ASTN2: variants seen among roughly 807,000 people sequenced by gnomAD.
ASTN2 encodes the protein astrotactin 2.
A neutral mutation model predicts 139.8 loss-of-function variants in ASTN2; 54 were observed. The observed-to-expected ratio is 0.39, with a 90% CI of 0.31 to 0.48. The LOEUF (loss-of-function observed/expected upper bound fraction) is 0.48, where lower values mean the gene tolerates loss of function less well. Among genes scored for constraint, ASTN2 ranks in the 20% least tolerant of loss-of-function variants. ASTN2 has a pLI of 0.95. For missense variants in ASTN2, 1,565 were observed against 1,725.1 expected (o/e 0.91, Z 1.64); for synonymous variants, 756 against 719.5 (o/e 1.05, Z -0.81).
intron 13 of ASTN2, among the ~76,000 whole-genome samples, chr9:116,774,684 T>C (rs779506413): frequency 6.6e-6 from 1 of 151,632 alleles, no homozygotes; most frequent in Non-Finnish European, 1.5e-5. Context: ...ACTGTCTTCC[T>C]AGGAACAGGA....
Position 117,144,660 on chromosome 9 carries a change from G to GTTTTTTTTTTTT in ASTN2, c.1016-3194_1016-3183dup, listed in dbSNP as rs71379267. Among the ~76,000 whole-genome samples the GTTTTTTTTTTTT allele has an allele frequency of 3.3e-4, 26 of 78,352 alleles. 1 individual carries two copies. The highest frequency in any genetic ancestry group is 1.4e-3 in the African/African-American group (23 of 16,570). 51.4% of individuals were successfully genotyped at this position (78,352 alleles called of 152,430 possible). The stretch of plus-strand genomic sequence containing the variant: ...TGACATTTGAGAGGAGTGAACACTA[G>GTTTTTTTTTTTT]TTTTTTTTTTTTTTTTTTTTTTTTT... On this transcript the variant is annotated intron_variant, in intron 3 of 22. Transcript: ENST00000313400.
intron 11 of ASTN2, among the ~76,000 whole-genome samples, chr9:116,842,018 A>G (rs1251697209): frequency 6.6e-6 from 1 of 152,192 alleles, no homozygotes; most frequent in African/African-American, 2.4e-5. Flanking sequence ...CCCCCTGACT[A>G]TGGGGCCAAA....
chr9:116,594,326 A>T (rs955425036), intron 19 of ASTN2, among the ~76,000 whole-genome samples: 2 of 152,208 alleles, frequency 1.3e-5, no homozygotes, highest in Non-Finnish European at 2.9e-5. Context: ...ATCAAAACAA[A>T]AACAGAATGA....
chr9:116,857,413 T>A (rs1007058799), intron 11 of ASTN2, among the ~76,000 whole-genome samples: 1 of 152,214 alleles, frequency 6.6e-6, no homozygotes, highest in African/African-American at 2.4e-5. Flanking sequence ...TATGCTGCAA[T>A]CCTGCTGAAG....
chr9:116,443,305 C>T (rs988518999), intron 20 of ASTN2, among the ~76,000 whole-genome samples: 14 of 152,104 alleles, frequency 9.2e-5, no homozygotes, highest in Non-Finnish European at 1.9e-4. Flanking sequence ...GGAGCCCAGA[C>T]GGTTGAAGAA....
intron 10 of ASTN2, among the ~76,000 whole-genome samples, chr9:116,946,945 A>AAAAC (rs1374960898): frequency 2.0e-5 from 3 of 151,588 alleles, no homozygotes; most frequent in African/African-American, 2.4e-5. Context: ...TCAAAAAAAA[A>AAAAC]AAAAAACAAC....
intron 13 of ASTN2, among the ~76,000 whole-genome samples, chr9:116,771,585 A>AATGG (rs1364681890): frequency 2.0e-5 from 3 of 152,238 alleles, no homozygotes; most frequent in African/African-American, 7.2e-5. Flanking sequence ...TGAATGAATG[A>AATGG]ATGAATGAAT....
At chr9:117,058,601 G>GT (rs1839138157) in intron 5 of ASTN2, among the ~76,000 whole-genome samples, 1 of 152,190 alleles carries the variant, frequency 6.6e-6, no homozygotes, top group Non-Finnish European at 1.5e-5. Flanking sequence ...CTCTGAAACT[G>GT]TATCTATACT....
chr9:116,735,427 G>C (rs1192530485), intron 13 of ASTN2, among the ~76,000 whole-genome samples: 1 of 152,198 alleles, frequency 6.6e-6, no homozygotes, highest in African/African-American at 2.4e-5. Context: ...CCCTTGTGAG[G>C]TGGCCTCTGG....
intron 13 of ASTN2, among the ~76,000 whole-genome samples, chr9:116,733,860 T>G (rs1022067584): frequency 3.3e-5 from 5 of 152,172 alleles, no homozygotes; most frequent in African/African-American, 1.2e-4. Context: ...AACCTACCAA[T>G]TATTTAAGAT....
At chr9:117,083,526 G>T (rs61261355) in intron 5 of ASTN2, among the ~76,000 whole-genome samples, 3 of 152,078 alleles carry the variant, frequency 2.0e-5, no homozygotes, top group African/African-American at 4.8e-5. Flanking sequence ...CATGACCAGT[G>T]GCATGGTCTG....
At chr9:117,018,761 A>G (rs1325926611) in intron 6 of ASTN2, among the ~76,000 whole-genome samples, 2 of 152,152 alleles carry the variant, frequency 1.3e-5, no homozygotes, top group African/African-American at 4.8e-5. Context: ...TGCAAGGTAA[A>G]TGTAAGTCTG....
intron 16 of ASTN2, among the ~76,000 whole-genome samples, chr9:116,704,230 TAA>T (rs1255540206): frequency 6.6e-6 from 1 of 152,238 alleles, no homozygotes; most frequent in Non-Finnish European, 1.5e-5. Context: ...CTTCTAGCTC[TAA>T]GATTTTAATT....
chr9:116,519,554 G>A (rs1850784226), intron 19 of ASTN2, among the ~76,000 whole-genome samples: 1 of 152,030 alleles, frequency 6.6e-6, no homozygotes, highest in South Asian at 2.1e-4. Context: ...TACATCAAAA[G>A]TCTGAAAGAG....
At chr9:117,187,017 T>C (rs979797576) in intron 3 of ASTN2, among the ~76,000 whole-genome samples, 4 of 152,030 alleles carry the variant, frequency 2.6e-5, no homozygotes, top group Non-Finnish European at 5.9e-5. Context: ...TAATCCCAGC[T>C]ACTCAGGAGG....
chr9:117,097,109 G>A lies in ASTN2; in HGVS notation c.1169-958C>T, dbSNP rs114864454. On this transcript the variant is annotated intron_variant, in intron 4 of 22. Coordinates refer to ENST00000313400, the MANE Select transcript of ASTN2 (RefSeq NM_001365068.1). ...GGATGGGTGCCAGGCAGGGTAAGCA[G>A]CCAGGAGGCTCAGTGACCACCTAGG... Among the ~76,000 whole-genome samples the A allele has an allele frequency of 5.5e-3, 839 of 152,320 alleles. 5 individuals carry two copies. Among genetic ancestry groups the A allele is most frequent in the African/African-American group, 0.019 (810 of 41,582 alleles).
rs542951118 is a variant in ASTN2 at position 116,429,022 on chromosome 9, G to A, written c.3783-2934C>T. On this transcript the variant is annotated intron_variant, in intron 22 of 22. Coordinates refer to ENST00000313400, the MANE Select transcript of ASTN2 (RefSeq NM_001365068.1). ...TCTGGTTGTTTGAGGAGAACTGAGC[G>A]GAAGGAGGCAAAACACAGAATTAAA... 4.6e-5 allele frequency among the ~76,000 whole-genome samples: 7 copies of A among 152,176 alleles called. No individual in the cohort carries two copies. In the East Asian group the frequency reaches 5.8e-4, roughly 13 times the overall value.
intron 1 of ASTN2, among the ~76,000 whole-genome samples, chr9:117,371,808 A>G (rs1377982319): frequency 6.6e-6 from 1 of 152,100 alleles, no homozygotes; most frequent in Non-Finnish European, 1.5e-5. Context: ...TGTAGAGTGT[A>G]ATTTTCTCAT....
At chr9:116,467,004 G>A (rs528007735) in intron 20 of ASTN2, among the ~76,000 whole-genome samples, 2 of 152,258 alleles carry the variant, frequency 1.3e-5, no homozygotes, top group South Asian at 2.1e-4. Context: ...GTTTGGGTGG[G>A]ACTGTTCCTC....
Sources: allele counts gnomAD v4.1 joint callset (sites outside exome capture counted in the v4.1 genomes callset), GRCh38; gene constraint gnomAD v4.1.1; transcripts MANE v1.5; gene names NCBI Gene and HGNC (gene_info 2026-07-23, HGNC 2026-07-21).